CORIN: variants seen among roughly 807,000 people sequenced by gnomAD.
CORIN encodes corin, serine peptidase.
Under a neutral mutation model 125.3 loss-of-function variants are expected in CORIN, and 117 were observed. The observed-to-expected ratio is 0.93, with a 90% CI of 0.80 to 1.09. The LOEUF (loss-of-function observed/expected upper bound fraction) is 1.09. Ranked by LOEUF, CORIN falls within the 50% of genes least tolerant of loss-of-function variation. The pLI is 0.00. For missense variants in CORIN, 1,253 were observed against 1,306.7 expected (o/e 0.96, Z 0.63); for synonymous variants, 450 against 466.4 (o/e 0.96, Z 0.45).
intron 4 of CORIN, among the ~76,000 whole-genome samples, chr4:47,745,503 A>G (rs563465054): frequency 2.0e-5 from 3 of 152,376 alleles, no homozygotes; most frequent in Admixed American, 1.3e-4. Flanking sequence ...TAGATATGTA[A>G]CAAACCTTAA....
intron 16 of CORIN, among the ~76,000 whole-genome samples, chr4:47,627,753 G>A (rs13142266): frequency 4.6e-5 from 7 of 152,066 alleles, no homozygotes; most frequent in Admixed American, 2.0e-4. Context: ...TCCCTTCTGC[G>A]ATAGAACTAC....
chr4:47,703,044 T>G (rs1313732866), intron 5 of CORIN, among the ~76,000 whole-genome samples: 1 of 141,150 alleles, frequency 7.1e-6, no homozygotes, highest in Non-Finnish European at 1.6e-5. Context: ...CATTAGGTAT[T>G]TCTCAGCATT....
At position 47,595,878 on chromosome 4, in the gene CORIN, C is replaced by T. The variant is rs755386142; in HGVS notation, c.2972G>A (p.Cys991Tyr). ...TGTCCACCGTCCTCCAGGCTTCTCA[C>T]AAACAAGAGGCCCACCGCTGTCACC... Reference protein sequence around the residue: ...CMGDSGGPLVCEKPGGRWTLF... With the variant: ...CMGDSGGPLVYEKPGGRWTLF... Residue 991 changes from cysteine (C) to tyrosine (Y), a missense_variant, in exon 22 of 22, where the codon TGT (cysteine) becomes TAT (tyrosine). Coordinates refer to ENST00000273857, the MANE Select transcript of CORIN (RefSeq NM_006587.4). The T allele has an allele frequency of 2.5e-6, 4 of 1,610,946 alleles. No individual in the cohort carries two copies. Among genetic ancestry groups the T allele is most frequent in the African/African-American group, 1.3e-5 (1 of 74,630 alleles).
Position 47,662,055 on chromosome 4 carries a change from A to C in CORIN, c.1590-199T>G, listed in dbSNP as rs141414186. On this transcript the variant is annotated intron_variant, in intron 11 of 21. Coordinates refer to ENST00000273857, the MANE Select transcript of CORIN (RefSeq NM_006587.4). ...CTCTGCAAAGAGTATACATTCCAGC[A>C]CCACACTTTCACCAAAAGAAACTTT... Among the ~76,000 whole-genome samples, 49 of 152,356 alleles carry C rather than the reference A, an allele frequency of 3.2e-4. No individual in the cohort carries two copies. The East Asian group carries it at 8.1e-3, about 25-fold the overall frequency.
chr4:47,837,580 C>A (rs1733506174), intron 1 of CORIN: 1 of 510,832 alleles, frequency 2.0e-6, no homozygotes. Context: ...GGCATCACCC[C>A]CGGCATGGAG....
chr4:47,667,222 G>T (rs1724520140), intron 10 of CORIN, among the ~76,000 whole-genome samples: 1 of 152,180 alleles, frequency 6.6e-6, no homozygotes, highest in Admixed American at 6.5e-5. Context: ...GGCCTCCCCA[G>T]TCATGTGGAA....
chr4:47,747,952 A>G (rs1728731120), intron 4 of CORIN, among the ~76,000 whole-genome samples: 1 of 152,216 alleles, frequency 6.6e-6, no homozygotes, highest in Admixed American at 6.5e-5. Flanking sequence ...GGTAACAGGC[A>G]TTTTCCTCAA....
chr4:47,597,074 C>T (rs928481080), intron 21 of CORIN, among the ~76,000 whole-genome samples: 5 of 151,936 alleles, frequency 3.3e-5, no homozygotes, highest in Non-Finnish European at 7.4e-5. Context: ...AAATTAGGCC[C>T]GGCGTGCTAG....
intron 19 of CORIN, among the ~76,000 whole-genome samples, chr4:47,608,745 A>C (rs1157257257): frequency 6.6e-6 from 1 of 152,156 alleles, no homozygotes; most frequent in Non-Finnish European, 1.5e-5. Flanking sequence ...AAAAACAAAA[A>C]CTCAGCCACT....
intron 19 of CORIN, among the ~76,000 whole-genome samples, chr4:47,618,744 A>G (rs1240593261): frequency 6.6e-6 from 1 of 151,778 alleles, no homozygotes; most frequent in Non-Finnish European, 1.5e-5. Context: ...GCATGAACCC[A>G]GGAGGCGGAG....
At chr4:47,819,110 A>T (rs1216620633) in intron 1 of CORIN, among the ~76,000 whole-genome samples, 1 of 152,160 alleles carries the variant, frequency 6.6e-6, no homozygotes, top group Non-Finnish European at 1.5e-5. Context: ...AATGAAAAAT[A>T]TTTAAAAGGG....
At chr4:47,723,236 C>G (rs1269140408) in intron 5 of CORIN, among the ~76,000 whole-genome samples, 1 of 152,146 alleles carries the variant, frequency 6.6e-6, no homozygotes, top group Non-Finnish European at 1.5e-5. Context: ...GCTTTTTTGA[C>G]AGAGGACCAG....
chr4:47,635,707 C>T (rs1722996122), intron 16 of CORIN, among the ~76,000 whole-genome samples: 1 of 152,122 alleles, frequency 6.6e-6, no homozygotes, highest in South Asian at 2.1e-4. Flanking sequence ...AAAAGAAGAC[C>T]AAAGGCTTTT....
chr4:47,733,323 C>T (rs566519104), intron 5 of CORIN, among the ~76,000 whole-genome samples: 82 of 152,314 alleles, frequency 5.4e-4, no homozygotes, highest in African/African-American at 1.9e-3. Context: ...CCTCATCTAT[C>T]TCTAGCAAAA....
intron 5 of CORIN, among the ~76,000 whole-genome samples, chr4:47,698,171 A>T (rs1302755484): frequency 6.6e-6 from 1 of 152,008 alleles, no homozygotes; most frequent in Non-Finnish European, 1.5e-5. Context: ...TAATTTTAAA[A>T]TTCTTATATA....
intron 3 of CORIN, among the ~76,000 whole-genome samples, chr4:47,773,005 T>C (rs542919873): frequency 6.6e-6 from 1 of 152,252 alleles, no homozygotes; most frequent in Admixed American, 6.5e-5. Flanking sequence ...AATAAAACAA[T>C]GCTGGGAGTT....
intron 1 of CORIN, 121 bp from the exon 2 acceptor site, chr4:47,807,168 A>G (rs887422868): frequency 1.4e-6 from 1 of 714,738 alleles, no homozygotes; most frequent in Non-Finnish European, 2.3e-6. Context: ...TTTGTGGTTT[A>G]GGGTATGAAA....
rs1185273224 is a variant in CORIN, at chr4:47,600,327, C to T, written c.2833G>A (p.Gly945Arg). 2.5e-6 allele frequency: 4 copies of T among 1,611,856 alleles called. No homozygotes were observed. Among genetic ancestry groups the T allele is most frequent in the South Asian group, 1.1e-5 (1 of 90,550 alleles). The change falls in exon 21 of 22, where the codon GGA (glycine) becomes AGA (arginine). Residue 945 changes from glycine (G) to arginine (R), a missense_variant. Transcript: ENST00000273857. ...TCCAGAGAAATAATGCGGACCTCTC[C>T]CTCTTGCAGCTTAAATGGCACTGAA... is the stretch of plus-strand genomic sequence containing the variant. ...GNKMPFKLQE[G>R]EVRIISLEHC...
intron 5 of CORIN, among the ~76,000 whole-genome samples, chr4:47,740,876 T>C (rs750373780): frequency 6.6e-6 from 1 of 151,950 alleles, no homozygotes; most frequent in Non-Finnish European, 1.5e-5. Context: ...CAACAATACA[T>C]ACTAGGACAA....
Sources: allele counts gnomAD v4.1 joint callset (sites outside exome capture counted in the v4.1 genomes callset), GRCh38; gene constraint gnomAD v4.1.1; transcripts MANE v1.5; gene names NCBI Gene and HGNC (gene_info 2026-07-23, HGNC 2026-07-21).